Variants in GTF3C1 observed in about 807,000 individuals in gnomAD.
GTF3C1 encodes the protein general transcription factor IIIC subunit 1.
GTF3C1 carries 57 observed loss-of-function variants against 226.7 expected under a neutral mutation model. The observed-to-expected ratio is 0.25, with a 90% CI of 0.20 to 0.31. The LOEUF is 0.31. Ranked by LOEUF, GTF3C1 falls within the 10% of genes least tolerant of loss-of-function variation. The pLI, the probability that GTF3C1 is intolerant of heterozygous loss-of-function variation, is 1.00. For missense variants in GTF3C1, 2,217 were observed against 2,776.1 expected (o/e 0.80, Z 4.53); for synonymous variants, 1,090 against 1,084.8 (o/e 1.00, Z -0.09).
chr16:27,464,569 C>G lies in GTF3C1; in HGVS notation c.5623G>C (p.Ala1875Pro). The stretch of plus-strand genomic sequence containing the variant: ...GCAGGGGTCATCTGGGTGCCCTCGG[C>G]GTCGGTCTCCCCATTCTCACTGGCC... ...SWASENGETD[A>P]EGTQMTPAKR... Residue 1875 changes from alanine to proline, a missense_variant, in exon 34 of 37, where the codon GCC becomes CCC. Physicochemically the swap from Ala to Pro is conservative, Grantham distance 27. Coordinates refer to ENST00000356183, the MANE Select transcript of GTF3C1 (RefSeq NM_001520.4). 6.7e-7 allele frequency: 1 copy of G among 1,490,392 alleles called. No homozygotes were observed. Among genetic ancestry groups the G allele is most frequent in the Non-Finnish European group, 8.9e-7 (1 of 1,119,368 alleles). The allele number at this position is 1,490,392 out of a possible 1,614,324, so 92.3% of individuals were successfully genotyped here.
intron 32 of GTF3C1, 132 bp from the exon 33 acceptor site, chr16:27,465,672 C>A (rs1567383158): frequency 1.4e-6 from 1 of 710,554 alleles, no homozygotes; most frequent in Non-Finnish European, 2.3e-6. Flanking sequence ...ACAGGGGTCA[C>A]CTGCTGGGTG....
At chr16:27,510,682 C>G (rs2088559708) in intron 7 of GTF3C1, among the ~76,000 whole-genome samples, 1 of 152,236 alleles carries the variant, frequency 6.6e-6, no homozygotes, top group Non-Finnish European at 1.5e-5. Flanking sequence ...ACAGCTCAAT[C>G]AGATCCCTTG....
chr16:27,471,955 T>C lies in GTF3C1; in HGVS notation c.4354-35A>G, dbSNP rs376051953. 3.1e-5 allele frequency: 49 copies of C among 1,602,350 alleles called. No homozygotes were observed. Among genetic ancestry groups the C allele is most frequent in the Non-Finnish European group, 4.0e-5 (47 of 1,170,126 alleles). ...AGGGCGGCGAGGGTGAGTAGGGTTC[T>C]CCAGCCGGCCACGGAGAGGGCTGGG... On this transcript the variant is annotated intron_variant, in intron 29 of 36. Transcript: ENST00000356183. This position sits in a 1 kb window ranked among gnomAD's most constrained non-coding sequence, Gnocchi z 5.0.
rs115325879 is a variant in GTF3C1 at position 27,543,757 on chromosome 16, T to C, written c.431+1557A>G. Among the ~76,000 whole-genome samples, 1,028 of 152,058 alleles carry C rather than the reference T, an allele frequency of 6.8e-3. 15 individuals are homozygous for C. Among genetic ancestry groups the C allele is most frequent in the African/African-American group, 0.024 (987 of 41,480 alleles). On this transcript the variant is annotated intron_variant, in intron 2 of 36. Transcript: ENST00000356183. ...AGCTGGTGAGGAATGGCAAGGAAAG[T>C]AGAAAAACAAAATAAGGCAGGAAGC...
At chr16:27,522,992 G>A (rs1340833219) in intron 6 of GTF3C1, among the ~76,000 whole-genome samples, 3 of 151,928 alleles carry the variant, frequency 2.0e-5, no homozygotes, top group Non-Finnish European at 4.4e-5. Flanking sequence ...GAGGAGAGTC[G>A]ATCTCATTCA....
At chr16:27,512,743 A>G (rs2088594513) in intron 6 of GTF3C1, among the ~76,000 whole-genome samples, 1 of 152,250 alleles carries the variant, frequency 6.6e-6, no homozygotes, top group Non-Finnish European at 1.5e-5. Context: ...TAAGAACTAG[A>G]AAAGGTACAA....
intron 10 of GTF3C1, among the ~76,000 whole-genome samples, chr16:27,504,108 C>A (rs1450886997): frequency 6.6e-6 from 1 of 152,228 alleles, no homozygotes; most frequent in Non-Finnish European, 1.5e-5. Flanking sequence ...CATGGGGCTG[C>A]TGGACAGCAA....
rs780011152 is a variant in GTF3C1, at chr16:27,488,624, G to T, written c.3441C>A (p.Ala1147=). The change falls in exon 22 of 37, where the codon GCC becomes GCA. Residue 1147 remains alanine, a synonymous_variant. Transcript: ENST00000356183. ...GCCTCACTGTGAGTCCATTCTCTGC[G>T]GCAGTGTTCTCCTGTGAGACAAGCA... ...IINQAKKENT[A]AENGLTVRLQ... 1.5e-5 allele frequency: 24 copies of T among 1,612,460 alleles called. No individual in the cohort carries two copies. The highest frequency in any genetic ancestry group is 2.0e-5 in the Non-Finnish European group (23 of 1,179,474).
rs145482799 is a variant in GTF3C1 at position 27,489,874 on chromosome 16, T to A, written c.3152-131A>T. ...AAAGGCTCCCCGGCCACTGCGGGGG[T>A]CTGAGATTGGTAAGACCTCTTCGTA... is the stretch of plus-strand genomic sequence containing the variant. On this transcript the variant is annotated intron_variant, in intron 19 of 36. Coordinates refer to ENST00000356183, the MANE Select transcript of GTF3C1 (RefSeq NM_001520.4). 1.0e-3 allele frequency: 818 copies of A among 804,558 alleles called. 4 individuals are homozygous for A. In the African/African-American group the frequency reaches 0.012, roughly 12 times the overall value. 49.8% of individuals were successfully genotyped at this position (804,558 alleles called of 1,614,324 possible). A position where few individuals can be genotyped will look rare whatever the true frequency, so the allele number is the denominator to read the frequency against.
At chr16:27,529,113 T>C (rs531658322) in intron 5 of GTF3C1, among the ~76,000 whole-genome samples, 2 of 151,828 alleles carry the variant, frequency 1.3e-5, no homozygotes, top group South Asian at 4.2e-4. Flanking sequence ...CTGTCCCCCA[T>C]GGGCAGGAGA....
At chr16:27,534,743 A>G (rs1004977074) in intron 4 of GTF3C1, among the ~76,000 whole-genome samples, 9 of 152,212 alleles carry the variant, frequency 5.9e-5, no homozygotes, top group African/African-American at 2.2e-4. Flanking sequence ...GGATAGTATG[A>G]CCCAATTAAA....
At position 27,494,676 on chromosome 16, in the gene GTF3C1, A is replaced by G. The variant is rs564338909; in HGVS notation, c.2778+87T>C. On this transcript the variant is annotated intron_variant, in intron 16 of 36. Transcript: ENST00000356183. ...TCATCTGGGCAACACCGGGTCTTCA[A>G]GTATCCTCCCTTGCCCAGGTGAGTG... is the stretch of plus-strand genomic sequence containing the variant. 4.1e-5 allele frequency: 39 copies of G among 944,428 alleles called. No individual in the cohort carries two copies. In the African/African-American group the frequency reaches 6.1e-4, roughly 15 times the overall value. 58.5% of individuals were successfully genotyped at this position (944,428 alleles called of 1,614,324 possible). A position where few individuals can be genotyped will look rare whatever the true frequency, so the allele number is the denominator to read the frequency against.
intron 7 of GTF3C1, among the ~76,000 whole-genome samples, chr16:27,510,334 C>G (rs1275381377): frequency 6.6e-6 from 1 of 151,202 alleles, no homozygotes; most frequent in African/African-American, 2.4e-5. Flanking sequence ...TGCAGTGAGC[C>G]AAGATCGCAC....
Position 27,461,326 on chromosome 16 carries a change from A to T in GTF3C1, c.*24T>A. On this transcript the variant is annotated 3_prime_UTR_variant, in exon 37 of 37. Transcript: ENST00000356183. The surrounding 1 kb of genome is among the most constrained non-coding windows in gnomAD (Gnocchi z 5.3). ...AGTGGTGTGGCAGGCGGTGGCTGGG[A>T]GGGAGGGGACGCCCACAGGGGTCCT... 6.8e-6 allele frequency: 10 copies of T among 1,481,240 alleles called. No homozygotes were observed. Among genetic ancestry groups the T allele is most frequent in the Non-Finnish European group, 9.3e-6 (10 of 1,069,560 alleles). The allele number at this position is 1,481,240 out of a possible 1,614,324, so 91.8% of individuals were successfully genotyped here.
In GTF3C1 at chr16:27,469,310, G is replaced by T; in HGVS notation, c.5055C>A (p.Pro1685=). ...ACTCACCAGCGGGCCTGAGCCGGGC[G>T]GGCACAGGGGTGCAGCGGAGCTGGA... is the stretch of plus-strand genomic sequence containing the variant. The part of the protein sequence containing the change: ...MKFQLRCTPV[P]ARLRPAAAPL... Residue 1685 remains proline (P), a synonymous_variant, in exon 32 of 37, where the codon CCC becomes CCA. Coordinates refer to ENST00000356183, the MANE Select transcript of GTF3C1 (RefSeq NM_001520.4). The surrounding 1 kb of genome is among the most constrained non-coding windows in gnomAD (Gnocchi z 4.5). The T allele has an allele frequency of 6.4e-7, 1 of 1,571,140 alleles. No homozygotes were observed. The highest frequency in any genetic ancestry group is 2.3e-5 in the East Asian group (1 of 42,952).
At chr16:27,515,355 A>T (rs1024497205) in intron 6 of GTF3C1, among the ~76,000 whole-genome samples, 1 of 151,942 alleles carries the variant, frequency 6.6e-6, no homozygotes. Context: ...AGGCTGAAGC[A>T]GGAGGATTGC....
In GTF3C1 at chr16:27,476,749, A is replaced by G. The variant is rs554690562; in HGVS notation, c.4260-205T>C. ...AGGAGAAAAGTTTCTTTTAGTAGAT[A>G]GGGGGTGACCTACCTGGAACGGGTT... On this transcript the variant is annotated intron_variant, in intron 28 of 36. Coordinates refer to ENST00000356183, the MANE Select transcript of GTF3C1 (RefSeq NM_001520.4). 2.6e-4 allele frequency among the ~76,000 whole-genome samples: 40 copies of G among 152,366 alleles called. No homozygotes were observed. In the South Asian group the frequency reaches 7.7e-3, roughly 29 times the overall value.
chr16:27,493,342 G>T, intron 16 of GTF3C1, 46 bp from the exon 17 acceptor site: 1 of 936,556 alleles, frequency 1.1e-6, no homozygotes, highest in South Asian at 1.3e-5. Flanking sequence ...GGGCCAGGGC[G>T]ACCTGCAAGA....
intron 26 of GTF3C1, 91 bp from the exon 27 acceptor site, chr16:27,481,282 T>C (rs1269539908): frequency 9.2e-7 from 1 of 1,091,974 alleles, no homozygotes; most frequent in Non-Finnish European, 1.4e-6. Context: ...TGTAACAAAC[T>C]CCTGCACCAG....
Sources: allele counts gnomAD v4.1 joint callset (sites outside exome capture counted in the v4.1 genomes callset), GRCh38; gene constraint gnomAD v4.1.1; non-coding constraint Gnocchi (gnomAD v3.1); transcripts MANE v1.5; gene names NCBI Gene and HGNC (gene_info 2026-07-23, HGNC 2026-07-21).